HMCN1: variants seen among roughly 807,000 people sequenced by gnomAD.
HMCN1 encodes hemicentin-1.
Under a neutral mutation model 625.9 loss-of-function variants are expected in HMCN1, and 321 were observed. The ratio of observed to expected loss-of-function variants is 0.51; its 90% CI spans 0.47 to 0.56. HMCN1 has a LOEUF of 0.56. HMCN1 is among the 20% of genes least tolerant of loss of function. HMCN1 has a pLI of 0.00. For missense variants in HMCN1, 6,588 were observed against 6,887.3 expected, an observed-to-expected ratio of 0.96 and a Z score of 1.54; for synonymous variants, 2,425 against 2,417.6, an observed-to-expected ratio of 1.00 and a Z score of -0.09.
chr1:185,750,516 T>C (rs1654730896), intron 1 of HMCN1, among the ~76,000 whole-genome samples: 1 of 152,142 alleles, frequency 6.6e-6, no homozygotes, highest in Non-Finnish European at 1.5e-5. Flanking sequence ...TGGCTAAGGA[T>C]TGTTTTATCT....
rs16824529 is a variant in HMCN1 at position 185,822,594 on chromosome 1, C to T, written c.269-23432C>T. Among the ~76,000 whole-genome samples, 1,358 of 152,114 alleles carry T rather than the reference C, an allele frequency of 8.9e-3. 15 individuals are homozygous for T. The highest frequency in any genetic ancestry group is 0.031 in the African/African-American group (1,290 of 41,488). ...TTAAGTCTACTATGACTTCTAAGAGCGCATTCTGGCTGCCAGTAAATGTTT... is the reference window on the plus strand; with the variant it reads ...TTAAGTCTACTATGACTTCTAAGAGTGCATTCTGGCTGCCAGTAAATGTTT... On this transcript the variant is annotated intron_variant, in intron 1 of 106. Transcript: ENST00000271588.
At chr1:186,184,754 T>C (rs1653175348) in intron 105 of HMCN1, among the ~76,000 whole-genome samples, 2 of 152,220 alleles carry the variant, frequency 1.3e-5, no homozygotes, top group Admixed American at 1.3e-4. Context: ...TACATTCATA[T>C]GTTCTGAAGC....
intron 1 of HMCN1, among the ~76,000 whole-genome samples, chr1:185,755,315 T>G (rs1210681270): frequency 6.6e-6 from 1 of 152,242 alleles, no homozygotes; most frequent in East Asian, 1.9e-4. Context: ...ATATCTTTCT[T>G]AATCCAAGTG....
chr1:185,942,127 G>C (rs1329659801), intron 11 of HMCN1, among the ~76,000 whole-genome samples: 2 of 149,392 alleles, frequency 1.3e-5, no homozygotes, highest in African/African-American at 4.9e-5. Context: ...GGAGGCGGAG[G>C]TTGTAGTGAG....
intron 58 of HMCN1, 118 bp downstream of exon 58, chr1:186,086,525 T>A: frequency 9.7e-7 from 1 of 1,030,638 alleles, no homozygotes; most frequent in Non-Finnish European, 1.5e-6. Context: ...TTATTCACAG[T>A]AAATGCCTCT....
At chr1:185,776,302 GT>G in intron 1 of HMCN1, among the ~76,000 whole-genome samples, 2 of 152,080 alleles carry the variant, frequency 1.3e-5, no homozygotes, top group East Asian at 3.9e-4. Flanking sequence ...TAGATAGCTT[GT>G]TTTTAGGGAC....
intron 4 of HMCN1, 52 bp from the exon 5 acceptor site, chr1:185,909,285 A>G: frequency 1.4e-6 from 2 of 1,441,108 alleles, no homozygotes; most frequent in Non-Finnish European, 2.0e-6. Flanking sequence ...GCAATGATAT[A>G]AAACTGCGAA....
At position 185,963,780 on chromosome 1, in the gene HMCN1, C is replaced by T; in HGVS notation, c.1983C>T (p.Thr661=). 2 of 1,604,622 alleles carry T rather than the reference C, an allele frequency of 1.2e-6. No homozygotes were observed. Among genetic ancestry groups the T allele is most frequent in the Middle Eastern group, 3.3e-4 (2 of 6,018 alleles). Residue 661 remains threonine (T), a synonymous_variant, in exon 13 of 107, where the codon ACC becomes ACT. Transcript: ENST00000271588. ...TTTTTATTCATAGGTATAGGATGACCTCAGATGGTACCTTATTTATCAAAA... is the reference window on the plus strand; with the variant it reads ...TTTTTATTCATAGGTATAGGATGACTTCAGATGGTACCTTATTTATCAAAA... ...FIVGSHRYRM[T]SDGTLFIKNA...
At chr1:185,937,647 C>A (rs369045946) in intron 11 of HMCN1, among the ~76,000 whole-genome samples, 1 of 151,864 alleles carries the variant, frequency 6.6e-6, no homozygotes, top group Non-Finnish European at 1.5e-5. Flanking sequence ...TTTGGGAGGC[C>A]GAGATGGGCA....
intron 11 of HMCN1, among the ~76,000 whole-genome samples, chr1:185,953,876 G>C (rs1158571013): frequency 6.6e-6 from 1 of 151,230 alleles, no homozygotes; most frequent in Non-Finnish European, 1.5e-5. Flanking sequence ...AGCAAAGGGA[G>C]ATAGGGGTGG....
chr1:186,054,095 T>A, intron 44 of HMCN1, 109 bp downstream of exon 44: 2 of 1,052,256 alleles, frequency 1.9e-6, no homozygotes, highest in Non-Finnish European at 2.9e-6. Context: ...GGTATGGTTG[T>A]AACTATCATA....
intron 4 of HMCN1, among the ~76,000 whole-genome samples, chr1:185,894,143 C>CAAA (rs1395934081): frequency 7.0e-6 from 1 of 142,332 alleles, no homozygotes; most frequent in Non-Finnish European, 1.5e-5. Flanking sequence ...TCAAAAAAAA[C>CAAA]AAAAACAAAA....
intron 23 of HMCN1, among the ~76,000 whole-genome samples, chr1:185,994,267 T>G (rs1007530642): frequency 2.0e-5 from 3 of 152,124 alleles, no homozygotes; most frequent in Non-Finnish European, 2.9e-5. Flanking sequence ...ACTACTGCAT[T>G]TAAATTTCTG....
At chr1:186,179,175 C>A (rs562414527) in intron 104 of HMCN1, among the ~76,000 whole-genome samples, 43 of 152,278 alleles carry the variant, frequency 2.8e-4, no homozygotes, top group Admixed American at 9.2e-4. Flanking sequence ...GTGAAAGTTT[C>A]AGCTTCTCGG....
rs1049026234 is a variant in HMCN1 at position 186,038,943 on chromosome 1, A to G, written c.5966A>G (p.Tyr1989Cys). The G allele has an allele frequency of 6.8e-6, 11 of 1,612,640 alleles. No homozygotes were observed. The highest frequency in any genetic ancestry group is 9.3e-6 in the Non-Finnish European group (11 of 1,178,826). Reference sequence around the variant, plus strand: ...GCCCAGATCTCAGATGCTGGCATATATAAATGCGTGGCCATCAACTCAGCT... The same window carrying G: ...GCCCAGATCTCAGATGCTGGCATATGTAAATGCGTGGCCATCAACTCAGCT... Reference protein sequence around the residue: ...ESAQISDAGIYKCVAINSAGA... With the variant: ...ESAQISDAGICKCVAINSAGA... Residue 1989 changes from tyrosine (Y) to cysteine (C), a missense_variant, in exon 38 of 107, where the codon TAT (tyrosine) becomes TGT (cysteine). Around this residue, in one of 3 missense-constraint regions of HMCN1, gnomAD observed 4,628 missense variants for 4,853.1 expected, o/e 0.95. Coordinates refer to ENST00000271588, the MANE Select transcript of HMCN1 (RefSeq NM_031935.3).
intron 40 of HMCN1, among the ~76,000 whole-genome samples, chr1:186,042,126 T>TA (rs1656249756): frequency 1.3e-5 from 2 of 152,172 alleles, no homozygotes. Flanking sequence ...ATCGGTACAC[T>TA]AGCAAAGGGT....
At chr1:185,848,168 T>C (rs114300726) in intron 2 of HMCN1, among the ~76,000 whole-genome samples, 2 of 152,278 alleles carry the variant, frequency 1.3e-5, no homozygotes, top group African/African-American at 4.8e-5. Flanking sequence ...ACTGCTATCA[T>C]TTCCTTACTC....
chr1:185,841,701 C>T (rs1326753444), intron 1 of HMCN1, among the ~76,000 whole-genome samples: 1 of 152,148 alleles, frequency 6.6e-6, no homozygotes, highest in Non-Finnish European at 1.5e-5. Flanking sequence ...ATGGTAGATG[C>T]TGGCTATCAT....
chr1:185,911,535 T>C, intron 5 of HMCN1, 139 bp from the exon 6 acceptor site: 1 of 763,576 alleles, frequency 1.3e-6, no homozygotes. Context: ...TTGGGTTAGT[T>C]TGCAGCACAC....
Sources: gnomAD v4.1 joint callset for allele counts (sites outside exome capture counted in the v4.1 genomes callset) on GRCh38, gnomAD v4.1.1 for gene constraint, gnomAD v4.1.1 regional missense constraint, MANE v1.5 for transcripts, NCBI Gene and HGNC (gene_info 2026-07-23, HGNC 2026-07-21) for gene names.